The following MYRIP variants were observed in gnomAD, a reference collection of about 807,000 sequenced individuals.
MYRIP encodes the protein myosin VIIA and Rab interacting protein.
Under a neutral mutation model 98.0 loss-of-function variants are expected in MYRIP, and 49 were observed. That is an observed-to-expected ratio of 0.50 (90% CI 0.40 to 0.63). The LOEUF (loss-of-function observed/expected upper bound fraction) is 0.63, where lower values mean the gene tolerates loss of function less well. Among genes scored for constraint, MYRIP ranks in the 30% least tolerant of loss-of-function variants. MYRIP has a pLI of 0.00. For missense variants in MYRIP, 1,004 were observed against 1,058.2 expected (o/e 0.95, Z 0.71); for synonymous variants, 404 against 409.5 (o/e 0.99, Z 0.16).
chr3:39,833,172 CAA>C (rs1192970301), intron 1 of MYRIP, among the ~76,000 whole-genome samples: 3 of 152,234 alleles, frequency 2.0e-5, no homozygotes, highest in Admixed American at 6.5e-5. Context: ...GAACACCTAC[CAA>C]GAGAGAGAAG....
intron 2 of MYRIP, among the ~76,000 whole-genome samples, chr3:40,035,410 T>G (rs1191331317): frequency 6.6e-6 from 1 of 151,970 alleles, no homozygotes; most frequent in Non-Finnish European, 1.5e-5. Context: ...ATGAATGATT[T>G]GCACTGAAAA....
chr3:40,164,876 T>C (rs1025603364), intron 5 of MYRIP, among the ~76,000 whole-genome samples: 1 of 152,196 alleles, frequency 6.6e-6, no homozygotes, highest in Non-Finnish European at 1.5e-5. Flanking sequence ...ATCACACAGA[T>C]AGTTATGCAT....
intron 11 of MYRIP, among the ~76,000 whole-genome samples, chr3:40,214,245 C>T (rs1384401128): frequency 1.3e-5 from 2 of 152,234 alleles, no homozygotes; most frequent in Non-Finnish European, 1.5e-5. Flanking sequence ...TAGGCCTCAT[C>T]TCACCAAAAG....
At chr3:39,965,039 T>C (rs1945408650) in intron 2 of MYRIP, among the ~76,000 whole-genome samples, 1 of 152,032 alleles carries the variant, frequency 6.6e-6, no homozygotes. Flanking sequence ...ATACAGGCAT[T>C]AAGTAATAGT....
intron 2 of MYRIP, among the ~76,000 whole-genome samples, chr3:40,003,622 T>C (rs1434462441): frequency 6.6e-6 from 1 of 152,158 alleles, no homozygotes; most frequent in Non-Finnish European, 1.5e-5. Context: ...CTTTTCTCCA[T>C]TGCAATTTTT....
At position 40,094,403 on chromosome 3, in the gene MYRIP, C is replaced by A. The variant is rs191073585; in HGVS notation, c.332+50132C>A. ...GCTGGTGTTTATTACACCATGGCACCTCCACGCCCTAACTCCTCAGTCTTG... is the reference window on the plus strand; with the variant it reads ...GCTGGTGTTTATTACACCATGGCACATCCACGCCCTAACTCCTCAGTCTTG... On this transcript the variant is annotated intron_variant, in intron 3 of 16. Coordinates refer to ENST00000302541, the MANE Select transcript of MYRIP (RefSeq NM_015460.4). 2.6e-5 allele frequency among the ~76,000 whole-genome samples: 4 copies of A among 152,320 alleles called. No individual in the cohort carries two copies. In the East Asian group the frequency reaches 7.7e-4, roughly 29 times the overall value.
intron 2 of MYRIP, among the ~76,000 whole-genome samples, chr3:39,950,560 G>T (rs943150370): frequency 4.6e-5 from 7 of 152,132 alleles, no homozygotes; most frequent in African/African-American, 1.4e-4. Flanking sequence ...GTGTCAAAGT[G>T]ACTTTTTTAT....
intron 1 of MYRIP, among the ~76,000 whole-genome samples, chr3:39,878,542 A>G (rs1559506668): frequency 6.6e-6 from 1 of 152,124 alleles, no homozygotes. Flanking sequence ...TTGAATGAAC[A>G]TTTTTGAAAA....
rs114419727 is a variant in MYRIP at position 40,080,584 on chromosome 3, T to C, written c.332+36313T>C. Among the ~76,000 whole-genome samples, 178 of 152,156 alleles carry C rather than the reference T, an allele frequency of 1.2e-3. 3 individuals are homozygous for C. Among genetic ancestry groups the C allele is most frequent in the African/African-American group, 4.2e-3 (175 of 41,568 alleles). ...GTTCTAGGAATTTGTTTATCTAACT[T>C]TCCAATTAATTTGCAAACTTATTTA... On this transcript the variant is annotated intron_variant, in intron 3 of 16. Coordinates refer to ENST00000302541, the MANE Select transcript of MYRIP (RefSeq NM_015460.4).
At chr3:39,939,381 A>G (rs531398160) in intron 2 of MYRIP, among the ~76,000 whole-genome samples, 4 of 152,270 alleles carry the variant, frequency 2.6e-5, no homozygotes, top group African/African-American at 9.6e-5. Flanking sequence ...AAGGATACAC[A>G]TGAAGACTAT....
rs1953126705 is a variant in MYRIP, at chr3:40,244,592, C to T, written c.2247C>T (p.His749=). 6.2e-7 allele frequency: 1 copy of T among 1,612,658 alleles called. No individual in the cohort carries two copies. Among genetic ancestry groups the T allele is most frequent in the Non-Finnish European group, 8.5e-7 (1 of 1,179,384 alleles). ...TGGCCACGGCTGCAGCCCAAGTCCA[C>T]CATGCTGAACTCCAGGTGAGAACTC... The part of the protein sequence containing the change: ...DQVATAAAQV[H]HAELQISDIE... Residue 749 remains histidine, a synonymous_variant, in exon 13 of 17, where the codon CAC becomes CAT. Transcript: ENST00000302541.
intron 3 of MYRIP, among the ~76,000 whole-genome samples, chr3:40,086,534 G>A (rs149957984): frequency 6.6e-5 from 10 of 152,172 alleles, no homozygotes; most frequent in Admixed American, 5.9e-4. Flanking sequence ...GCTGCTCTTC[G>A]CCAGGTTTCA....
intron 3 of MYRIP, among the ~76,000 whole-genome samples, chr3:40,130,394 T>TC (rs1949611443): frequency 6.6e-6 from 1 of 151,602 alleles, no homozygotes; most frequent in Non-Finnish European, 1.5e-5. Flanking sequence ...TTTTTTTTTT[T>TC]TGAGACGGAG....
At chr3:40,244,636 G>T (rs1953130103) in intron 13 of MYRIP, 29 bp downstream of exon 13, 1 of 1,571,214 alleles carries the variant, frequency 6.4e-7, no homozygotes, top group Non-Finnish European at 8.6e-7. Flanking sequence ...GCCCACATGG[G>T]TCCTGCAGGG....
At chr3:40,165,991 A>G (rs1218281109) in intron 5 of MYRIP, among the ~76,000 whole-genome samples, 1 of 152,098 alleles carries the variant, frequency 6.6e-6, no homozygotes. Flanking sequence ...CTGTGCTTCA[A>G]ATTTACCATC....
intron 9 of MYRIP, among the ~76,000 whole-genome samples, chr3:40,182,654 G>A (rs900679121): frequency 6.6e-6 from 1 of 152,112 alleles, no homozygotes; most frequent in African/African-American, 2.4e-5. Flanking sequence ...GACAGATTGG[G>A]GGCTCCTGGA....
At chr3:40,200,054 A>C (rs1415958994) in intron 10 of MYRIP, among the ~76,000 whole-genome samples, 3 of 143,122 alleles carry the variant, frequency 2.1e-5, no homozygotes, top group African/African-American at 7.4e-5. Context: ...AGTGCCTTCC[A>C]AGATAAACTC....
At chr3:40,144,664 G>A (rs1247601396) in intron 3 of MYRIP, among the ~76,000 whole-genome samples, 1 of 152,162 alleles carries the variant, frequency 6.6e-6, no homozygotes, top group Non-Finnish European at 1.5e-5. Context: ...TAAATCATAA[G>A]CCCAGAGGGC....
At chr3:40,137,709 C>G (rs79070571) in intron 3 of MYRIP, among the ~76,000 whole-genome samples, 4,155 of 152,200 alleles carry the variant, frequency 0.027, 197 homozygotes, top group African/African-American at 0.091. Flanking sequence ...GACTGGGAGT[C>G]TTGCCCATTT....
Sources: gnomAD v4.1 joint callset for allele counts (sites outside exome capture counted in the v4.1 genomes callset) on GRCh38, gnomAD v4.1.1 for gene constraint, MANE v1.5 for transcripts, NCBI Gene and HGNC (gene_info 2026-07-23, HGNC 2026-07-21) for gene names.